SYNE2: variants seen among roughly 807,000 people sequenced by gnomAD.
The protein encoded by SYNE2 is nesprin-2.
SYNE2 carries 431 observed loss-of-function variants against 856.3 expected under a neutral mutation model. The observed-to-expected ratio is 0.50, with a 90% confidence interval of 0.47 to 0.55. SYNE2 has a LOEUF of 0.55. Ranked by LOEUF, SYNE2 falls within the 20% of genes least tolerant of loss-of-function variation. The pLI is 0.00. For synonymous variants in SYNE2, 2,923 were observed against 2,872.3 expected, an observed-to-expected ratio of 1.02 and a Z score of -0.56; for missense variants, 8,129 against 8,023.2, an observed-to-expected ratio of 1.01 and a Z score of -0.50.
intron 93 of SYNE2, among the ~76,000 whole-genome samples, chr14:64,169,769 C>T (rs1021086592): frequency 1.3e-5 from 2 of 152,124 alleles, no homozygotes; most frequent in African/African-American, 2.4e-5. Flanking sequence ...CCTTATTTCT[C>T]GTGTGAAGGA....
At chr14:64,032,794 T>C (rs2097051035) in intron 45 of SYNE2, among the ~76,000 whole-genome samples, 2 of 152,200 alleles carry the variant, frequency 1.3e-5, no homozygotes, top group South Asian at 4.1e-4. Context: ...AAAGGTGATA[T>C]GTCTTAGAGG....
intron 1 of SYNE2, among the ~76,000 whole-genome samples, chr14:63,781,686 A>G (rs903809026): frequency 6.6e-6 from 1 of 151,798 alleles, no homozygotes; most frequent in Non-Finnish European, 1.5e-5. Flanking sequence ...ATATAAAGTT[A>G]TATTTATATA....
At chr14:64,191,266 T>A (rs1303114799) in intron 99 of SYNE2, 1 of 227,594 alleles carries the variant, frequency 4.4e-6, no homozygotes, top group Non-Finnish European at 8.1e-6. Context: ...TGAACCTGAG[T>A]CAATCAACAG....
intron 1 of SYNE2, among the ~76,000 whole-genome samples, chr14:63,857,630 G>A (rs1382953028): frequency 6.6e-6 from 1 of 152,264 alleles, no homozygotes; most frequent in Admixed American, 6.5e-5. Context: ...AACAGTTGGG[G>A]TGGTTAGGCT....
At chr14:63,976,540 C>CTT (rs34440267) in intron 11 of SYNE2, 23 bp from the exon 12 acceptor site, 20,387 of 1,351,732 alleles carry the variant, frequency 0.015, 118 homozygotes, top group African/African-American at 0.053. Flanking sequence ...AGAATATGTT[C>CTT]TTTTTTTTTT....
intron 1 of SYNE2, among the ~76,000 whole-genome samples, chr14:63,868,214 A>G (rs1175766660): frequency 6.6e-6 from 1 of 152,206 alleles, no homozygotes; most frequent in African/African-American, 2.4e-5. Flanking sequence ...ACCTAACAGC[A>G]TTTAAAGTAA....
At chr14:63,807,973 C>A (rs947670451) in intron 1 of SYNE2, among the ~76,000 whole-genome samples, 1 of 148,002 alleles carries the variant, frequency 6.8e-6, no homozygotes, top group African/African-American at 2.5e-5. Context: ...GTACCATGCC[C>A]AGTGTGTAGT....
Position 64,171,609 on chromosome 14 carries a change from T to C in SYNE2, c.17235+1147T>C, listed in dbSNP as rs113723981. On this transcript the variant is annotated intron_variant, in intron 94 of 115. Coordinates refer to ENST00000555002, the MANE Select transcript of SYNE2 (RefSeq NM_182914.3). ...GATCTAAGGAAAGAGCCTTTCAGAC[T>C]GAAGGAGAGGCTTACTCCAAGTCCC... 7.0e-4 allele frequency among the ~76,000 whole-genome samples: 106 copies of C among 152,244 alleles called. 1 individual carries two copies. Among genetic ancestry groups the C allele is most frequent in the African/African-American group, 2.5e-3 (102 of 41,558 alleles).
At chr14:63,835,566 CGTGTGTGT>C (rs10557777) in intron 1 of SYNE2, among the ~76,000 whole-genome samples, 5 of 149,458 alleles carry the variant, frequency 3.3e-5, no homozygotes, top group East Asian at 2.0e-4. Context: ...TAGATATTTG[CGTGTGTGT>C]GTGTGTGTGT....
intron 83 of SYNE2, among the ~76,000 whole-genome samples, chr14:64,144,277 G>A (rs554636255): frequency 3.2e-4 from 49 of 152,282 alleles, no homozygotes; most frequent in Middle Eastern, 3.4e-3. Flanking sequence ...ATGTTCAAAA[G>A]GGGCAAAGCT....
Position 63,969,248 on chromosome 14 carries a change from C to T in SYNE2, c.1128+1402C>T, listed in dbSNP as rs1367062366. On this transcript the variant is annotated intron_variant, in intron 11 of 115. Coordinates refer to ENST00000555002, the MANE Select transcript of SYNE2 (RefSeq NM_182914.3). Reference sequence around the variant, plus strand: ...GCAATGGTGTGATCTCAGCTCATTGCAAACTCTGACTCCTGAGTTCAAGAG... The same window carrying T: ...GCAATGGTGTGATCTCAGCTCATTGTAAACTCTGACTCCTGAGTTCAAGAG... Among the ~76,000 whole-genome samples the T allele has an allele frequency of 3.3e-5, 5 of 149,494 alleles. No individual in the cohort carries two copies. The East Asian group carries it at 9.8e-4, about 29-fold the overall frequency.
chr14:63,933,864 C>T (rs1419268704), intron 2 of SYNE2, among the ~76,000 whole-genome samples: 3 of 152,180 alleles, frequency 2.0e-5, no homozygotes, highest in Non-Finnish European at 4.4e-5. Context: ...ACTTTTTCCC[C>T]AATGGGTCAG....
In SYNE2 at chr14:64,190,566, C is replaced by T; in HGVS notation, c.18038+329C>T. The T allele has an allele frequency of 4.3e-6, 3 of 699,800 alleles. No individual in the cohort carries two copies. In the South Asian group the frequency reaches 4.5e-5, roughly 10 times the overall value. The allele number at this position is 699,800 out of a possible 1,614,324, so 43.3% of individuals were successfully genotyped here. A position where few individuals can be genotyped will look rare whatever the true frequency, so the allele number is the denominator to read the frequency against. On this transcript the variant is annotated intron_variant, in intron 99 of 115. Coordinates refer to ENST00000555002, the MANE Select transcript of SYNE2 (RefSeq NM_182914.3). ...GCCTCTGTGTTAGCATTTGTGTGTC[C>T]CCACAGTGGAGCCATGCCCGTTGCT...
intron 53 of SYNE2, chr14:64,075,692 G>A (rs894064832): frequency 4.5e-6 from 2 of 448,808 alleles, no homozygotes; most frequent in African/African-American, 4.0e-5. Flanking sequence ...AGCAGGGGGT[G>A]TTGTAATGTC....
At chr14:64,123,836 G>A (rs2097915980) in intron 70 of SYNE2, among the ~76,000 whole-genome samples, 1 of 150,982 alleles carries the variant, frequency 6.6e-6, no homozygotes, top group Non-Finnish European at 1.5e-5. Flanking sequence ...TAGCGTGAAT[G>A]TTGTTATTAC....
At chr14:63,957,903 C>T (rs1314270331) in intron 8 of SYNE2, among the ~76,000 whole-genome samples, 1 of 152,026 alleles carries the variant, frequency 6.6e-6, no homozygotes, top group African/African-American at 2.4e-5. Flanking sequence ...TTCTTGATGG[C>T]AGATTATACA....
chr14:63,978,817 T>G, intron 13 of SYNE2, 35 bp from the exon 14 acceptor site: 2 of 1,580,348 alleles, frequency 1.3e-6, no homozygotes, highest in East Asian at 2.2e-5. Flanking sequence ...GTCAATAATA[T>G]TAAGTTAAAT....
At chr14:64,113,023 C>G (rs917961341) in intron 65 of SYNE2, 1 of 985,296 alleles carries the variant, frequency 1.0e-6, no homozygotes, top group Non-Finnish European at 1.2e-6. Flanking sequence ...TTAAATGTTT[C>G]GGACACACAC....
chr14:64,036,686 A>G (rs1260792707), intron 45 of SYNE2, among the ~76,000 whole-genome samples: 1 of 152,142 alleles, frequency 6.6e-6, no homozygotes, highest in Non-Finnish European at 1.5e-5. Flanking sequence ...CCACACATTA[A>G]AAAAAATTTT....
Sources: gnomAD v4.1 joint callset for allele counts (sites outside exome capture counted in the v4.1 genomes callset) on GRCh38, gnomAD v4.1.1 for gene constraint, MANE v1.5 for transcripts, NCBI Gene and HGNC (gene_info 2026-07-23, HGNC 2026-07-21) for gene names.